The following GLIS3 variants were observed in gnomAD, a reference collection of about 807,000 sequenced individuals.
GLIS3 encodes GLIS family zinc finger 3.
In GLIS3, 53 loss-of-function variants were observed where a neutral mutation model predicts 78.6. The ratio of observed to expected loss-of-function variants is 0.67; its 90% CI spans 0.54 to 0.85. GLIS3 has a LOEUF of 0.85. GLIS3 is among the 40% of genes least tolerant of loss of function. GLIS3 has a pLI of 0.00. For missense variants in GLIS3, 1,703 were observed against 1,231.1 expected, an observed-to-expected ratio of 1.38 and a Z score of -5.74; for synonymous variants, 684 against 509.9, an observed-to-expected ratio of 1.34 and a Z score of -4.60.
intron 9 of GLIS3, among the ~76,000 whole-genome samples, chr9:3,852,497 C>T (rs372671037): frequency 3.3e-5 from 5 of 152,156 alleles, no homozygotes; most frequent in South Asian, 2.1e-4. Flanking sequence ...CCAGCAAACT[C>T]GTCCAACAAA....
chr9:4,132,997 A>G (rs1400125664), intron 2 of GLIS3, among the ~76,000 whole-genome samples: 2 of 152,306 alleles, frequency 1.3e-5, no homozygotes, highest in Non-Finnish European at 1.5e-5. Flanking sequence ...AAATATCAAT[A>G]TATGCCTCAC....
At chr9:4,315,853 C>T (rs1042676451) in intron 2 of GLIS3, among the ~76,000 whole-genome samples, 2 of 152,224 alleles carry the variant, frequency 1.3e-5, no homozygotes, top group East Asian at 1.9e-4. Flanking sequence ...AGGACATGTT[C>T]TTCCAGGTAT....
At chr9:4,148,216 T>G (rs1013209128) in intron 2 of GLIS3, among the ~76,000 whole-genome samples, 4 of 152,174 alleles carry the variant, frequency 2.6e-5, no homozygotes, top group Non-Finnish European at 5.9e-5. Context: ...AAACTCTTAC[T>G]AATTATTGCT....
intron 4 of GLIS3, 137 bp downstream of exon 4, chr9:4,117,631 C>G (rs1831763396): frequency 2.1e-6 from 2 of 943,224 alleles, no homozygotes; most frequent in Non-Finnish European, 3.5e-6. Context: ...CTTCCTCAAG[C>G]TGAAGGGGAA....
chr9:4,363,237 A>T, the GLIS3 span, among the ~76,000 whole-genome samples: 1 of 152,208 alleles, frequency 6.6e-6, no homozygotes, highest in Non-Finnish European at 1.5e-5. Flanking sequence ...AGCCTGGCCA[A>T]CATGGTAAAA....
At chr9:3,942,684 G>T (rs1053068805) in intron 4 of GLIS3, among the ~76,000 whole-genome samples, 3 of 152,180 alleles carry the variant, frequency 2.0e-5, no homozygotes, top group African/African-American at 7.2e-5. Flanking sequence ...CTTCACCTAG[G>T]AGACTCGTTA....
chr9:3,870,213 G>C (rs1820881626), intron 8 of GLIS3, among the ~76,000 whole-genome samples: 1 of 151,996 alleles, frequency 6.6e-6, no homozygotes, highest in Non-Finnish European at 1.5e-5. Flanking sequence ...TACAAAATTA[G>C]TCTCAACAAA....
chr9:4,134,816 TC>T, intron 2 of GLIS3, among the ~76,000 whole-genome samples: 1 of 152,196 alleles, frequency 6.6e-6, no homozygotes, highest in East Asian at 1.9e-4. Flanking sequence ...GATGAGTAGT[TC>T]AGGAAACCTT....
chr9:4,203,298 G>T (rs1343261914), intron 2 of GLIS3, among the ~76,000 whole-genome samples: 3 of 152,076 alleles, frequency 2.0e-5, no homozygotes, highest in African/African-American at 7.2e-5. Context: ...AGTCAGAATG[G>T]CTGTTATTAA....
At chr9:4,228,573 C>T (rs1412774313) in intron 2 of GLIS3, among the ~76,000 whole-genome samples, 1 of 152,124 alleles carries the variant, frequency 6.6e-6, no homozygotes, top group Admixed American at 6.5e-5. Context: ...CAAATACAGC[C>T]AGGGCAAGGG....
chr9:4,245,786 A>G (rs1401833216), intron 2 of GLIS3, among the ~76,000 whole-genome samples: 3 of 152,230 alleles, frequency 2.0e-5, no homozygotes, highest in Non-Finnish European at 2.9e-5. Flanking sequence ...TGTGTCAATT[A>G]AAAACAATAA....
At chr9:4,474,059 A>C in the GLIS3 span, among the ~76,000 whole-genome samples, 14 of 152,182 alleles carry the variant, frequency 9.2e-5, no homozygotes, top group African/African-American at 3.1e-4. Flanking sequence ...TCCCAAACAA[A>C]ATTTCAGAAA....
upstream of GLIS3, among the ~76,000 whole-genome samples, chr9:4,353,248 A>G (rs1469100860): frequency 6.6e-6 from 1 of 152,210 alleles, no homozygotes; most frequent in East Asian, 1.9e-4. Context: ...AGGCAAAACC[A>G]CAGGCTGGGT....
At chr9:4,343,107 G>A (rs1817857804) in intron 2 of GLIS3, among the ~76,000 whole-genome samples, 1 of 152,208 alleles carries the variant, frequency 6.6e-6, no homozygotes, top group Admixed American at 6.5e-5. Flanking sequence ...GGGAGGCCAA[G>A]GCAGGAGGAT....
intron 9 of GLIS3, among the ~76,000 whole-genome samples, chr9:3,832,145 C>T (rs1030906127): frequency 1.0e-4 from 15 of 149,640 alleles, no homozygotes; most frequent in South Asian, 6.3e-4. Context: ...CATCATACTG[C>T]GTTATAAAGA....
rs12346278 is a variant in GLIS3, at chr9:4,170,543, C to G, written c.389-44602G>C. 4.4e-3 allele frequency among the ~76,000 whole-genome samples: 677 copies of G among 152,268 alleles called. 6 individuals carry two copies. The highest frequency in any genetic ancestry group is 0.015 in the African/African-American group (637 of 41,538). Reference sequence around the variant, plus strand: ...AGTGAGACAGTCATCTAGGAGCACACTTCAATCTTGTTCTCCAAGCACATA... The same window carrying G: ...AGTGAGACAGTCATCTAGGAGCACAGTTCAATCTTGTTCTCCAAGCACATA... On this transcript the variant is annotated intron_variant, in intron 2 of 10. Transcript: ENST00000381971.
chr9:4,142,190 C>T (rs1455198242), intron 2 of GLIS3, among the ~76,000 whole-genome samples: 4 of 152,276 alleles, frequency 2.6e-5, no homozygotes, highest in Non-Finnish European at 5.9e-5. Context: ...AAGAGTTGTG[C>T]TTATGTTCTC....
intron 4 of GLIS3, among the ~76,000 whole-genome samples, chr9:3,944,580 T>C (rs907436635): frequency 6.6e-6 from 1 of 152,218 alleles, no homozygotes; most frequent in Non-Finnish European, 1.5e-5. Flanking sequence ...TTTTTGTTGC[T>C]GCTGTTGTTT....
chr9:3,866,982 T>G (rs566523797), intron 8 of GLIS3, among the ~76,000 whole-genome samples: 1 of 152,088 alleles, frequency 6.6e-6, no homozygotes, highest in East Asian at 1.9e-4. Flanking sequence ...AGGATTGGAG[T>G]TGATTAGGCT....
Sources: allele counts gnomAD v4.1 joint callset (sites outside exome capture counted in the v4.1 genomes callset), GRCh38; gene constraint gnomAD v4.1.1; transcripts MANE v1.5; gene names NCBI Gene and HGNC (gene_info 2026-07-23, HGNC 2026-07-21).